PAFAH2: variants seen among roughly 807,000 people sequenced by gnomAD.
PAFAH2 encodes platelet activating factor acetylhydrolase 2.
A neutral mutation model predicts 49.0 loss-of-function variants in PAFAH2; 42 were observed. The observed-to-expected ratio is 0.86, with a 90% CI of 0.67 to 1.11. The LOEUF (loss-of-function observed/expected upper bound fraction) is 1.11, where lower values mean the gene tolerates loss of function less well. Ranked by LOEUF, PAFAH2 falls within the 50% of genes least tolerant of loss-of-function variation. The pLI, the probability that PAFAH2 is intolerant of heterozygous loss-of-function variation, is 0.00. For synonymous variants in PAFAH2, 184 were observed against 181.3 expected (o/e 1.01, Z -0.12); for missense variants, 503 against 501.8 (o/e 1.00, Z -0.02).
intron 1 of PAFAH2, among the ~76,000 whole-genome samples, chr1:25,994,504 A>G (rs1401132338): frequency 6.6e-6 from 1 of 152,168 alleles, no homozygotes. Context: ...CAATGGGAAC[A>G]CTATCCATCC....
In PAFAH2 at chr1:25,959,981, T is replaced by C. The variant is rs926845509; in HGVS notation, c.*2008A>G. 1 of 152,206 alleles carries C rather than the reference T, an allele frequency of 6.6e-6. No individual in the cohort carries two copies. The highest frequency in any genetic ancestry group is 1.5e-5 in the Non-Finnish European group (1 of 68,026). 9.4% of individuals were successfully genotyped at this position (152,206 alleles called of 1,614,324 possible). ...ATACTTTTAAGTAACCCATGGGTTA[T>C]ACATCCTCTCACTTAATCCTCCTAA... On this transcript the variant is annotated 3_prime_UTR_variant, in exon 11 of 11. Transcript: ENST00000374282.
At chr1:25,968,929 A>G (rs2049467784) in intron 10 of PAFAH2, among the ~76,000 whole-genome samples, 1 of 152,100 alleles carries the variant, frequency 6.6e-6, no homozygotes, top group African/African-American at 2.4e-5. Context: ...CACTCGGATT[A>G]CTGCAAAAGC....
intron 7 of PAFAH2, among the ~76,000 whole-genome samples, chr1:25,981,240 T>C (rs115342947): frequency 0.011 from 1,704 of 152,264 alleles, 31 homozygotes; most frequent in African/African-American, 0.038. Flanking sequence ...ATACACATAT[T>C]AATACATGTA....
At chr1:25,996,496 G>A (rs1269887520) in intron 1 of PAFAH2, among the ~76,000 whole-genome samples, 2 of 152,156 alleles carry the variant, frequency 1.3e-5, no homozygotes. Flanking sequence ...CAAAATATTA[G>A]CTGGGCCTGG....
intron 7 of PAFAH2, among the ~76,000 whole-genome samples, chr1:25,977,287 C>T (rs562189603): frequency 6.6e-6 from 1 of 151,496 alleles, no homozygotes; most frequent in South Asian, 2.1e-4. Context: ...GCGTGAGCCA[C>T]CGCGCCCGGC....
chr1:25,988,381 A>G (rs2049818524), intron 3 of PAFAH2, 54 bp from the exon 4 acceptor site: 1 of 1,368,260 alleles, frequency 7.3e-7, no homozygotes, highest in Admixed American at 1.7e-5. Context: ...TGTTATCCCA[A>G]GGGCAGCCTG....
chr1:25,991,361 C>A (rs2049872924), intron 1 of PAFAH2, among the ~76,000 whole-genome samples: 1 of 151,934 alleles, frequency 6.6e-6, no homozygotes, highest in African/African-American at 2.4e-5. Context: ...CTCGCTGCAA[C>A]CTCCGACTCC....
intron 5 of PAFAH2, 82 bp downstream of exon 5, chr1:25,984,378 G>A: frequency 9.5e-7 from 1 of 1,057,168 alleles, no homozygotes; most frequent in Non-Finnish European, 1.4e-6. Flanking sequence ...TGTCGAGAGG[G>A]TTAGAAATAG....
At chr1:25,984,365 GGTT>G (rs2049745794) in intron 5 of PAFAH2, 92 bp downstream of exon 5, 1 of 943,686 alleles carries the variant, frequency 1.1e-6, no homozygotes, top group Non-Finnish European at 1.6e-6. Flanking sequence ...TGGCTTGCAC[GGTT>G]GTCGAGAGGG....
chr1:25,967,031 CAAAAAAAAA>C (rs34853555), intron 10 of PAFAH2, among the ~76,000 whole-genome samples: 1 of 84,226 alleles, frequency 1.2e-5, no homozygotes, highest in Non-Finnish European at 2.1e-5. Context: ...GACGCCTTCT[CAAAAAAAAA>C]AAAAAAAAAA....
chr1:25,974,698 GAAT>G, intron 8 of PAFAH2, 48 bp from the exon 9 acceptor site: 1 of 1,567,176 alleles, frequency 6.4e-7, no homozygotes, highest in South Asian at 1.2e-5. Flanking sequence ...TCCCAGGCAA[GAAT>G]AGTTAGGGTG....
intron 1 of PAFAH2, among the ~76,000 whole-genome samples, chr1:25,992,503 A>C (rs2049889973): frequency 6.6e-6 from 1 of 152,146 alleles, no homozygotes; most frequent in Non-Finnish European, 1.5e-5. Context: ...ATCATCTCCA[A>C]CACCACCATC....
At chr1:25,973,779 G>A (rs1368267360) in intron 9 of PAFAH2, among the ~76,000 whole-genome samples, 1 of 152,194 alleles carries the variant, frequency 6.6e-6, no homozygotes, top group Non-Finnish European at 1.5e-5. Context: ...TTGTCATTCT[G>A]CTGAAATAGG....
rs1035476334 is a variant in PAFAH2 at position 25,993,455 on chromosome 1, G to A, written c.-47-2592C>T. 3.3e-5 allele frequency among the ~76,000 whole-genome samples: 5 copies of A among 152,246 alleles called. No homozygotes were observed. In the South Asian group the frequency reaches 1.0e-3, roughly 32 times the overall value. ...GGAGAGATTAAGTGAGCTGCTCAGA[G>A]TCACAAGCAGAACGATGATAACAAC... is the stretch of plus-strand genomic sequence containing the variant. On this transcript the variant is annotated intron_variant, in intron 1 of 10. Transcript: ENST00000374282.
chr1:25,987,675 T>C (rs1472673911), intron 4 of PAFAH2, among the ~76,000 whole-genome samples: 2 of 150,464 alleles, frequency 1.3e-5, no homozygotes, highest in African/African-American at 2.4e-5. Flanking sequence ...AGCTCAGGAA[T>C]TCAAGATCAG....
At chr1:25,967,391 C>T (rs907500686) in intron 10 of PAFAH2, among the ~76,000 whole-genome samples, 4 of 152,128 alleles carry the variant, frequency 2.6e-5, no homozygotes, top group Non-Finnish European at 4.4e-5. Context: ...GAGGGAGTCC[C>T]CAGCATGGAG....
In PAFAH2 at chr1:25,981,142, TAAG is replaced by T. The variant is rs1557522984; in HGVS notation, c.666+1219_666+1221del. Among the ~76,000 whole-genome samples, 3 of 152,214 alleles carry T rather than the reference TAAG, an allele frequency of 2.0e-5. No homozygotes were observed. In the South Asian group the frequency reaches 6.2e-4, roughly 32 times the overall value. On this transcript the variant is annotated intron_variant, in intron 7 of 10. Transcript: ENST00000374282. ...TGCCATACAAAAATATTAATTGGCA[TAAG>T]AAGATACTCATACTGTCTTGCTAAA...
chr1:25,964,574 C>G (rs12128156), intron 10 of PAFAH2, among the ~76,000 whole-genome samples: 79,843 of 152,016 alleles, frequency 0.53, 24,737 homozygotes, highest in East Asian at 0.7. Context: ...ACAAAAATAT[C>G]AGTAGCATTT....
intron 1 of PAFAH2, among the ~76,000 whole-genome samples, chr1:25,993,632 A>C (rs1400779522): frequency 2.6e-5 from 4 of 152,130 alleles, no homozygotes; most frequent in Admixed American, 2.0e-4. Flanking sequence ...AACAAACCCA[A>C]TTCTTTTGAA....
Sources: gnomAD v4.1 joint callset for allele counts (sites outside exome capture counted in the v4.1 genomes callset) on GRCh38, gnomAD v4.1.1 for gene constraint, MANE v1.5 for transcripts, NCBI Gene and HGNC (gene_info 2026-07-23, HGNC 2026-07-21) for gene names.